Variants in CBR4 observed in about 807,000 individuals in gnomAD.
CBR4 encodes 3-oxoacyl-[acyl-carrier-protein] reductase.
In CBR4, 22 loss-of-function variants were observed where a neutral mutation model predicts 21.0. The observed-to-expected ratio is 1.05, with a 90% CI of 0.75 to 1.50. CBR4 has a LOEUF of 1.50. Ranked by LOEUF, CBR4 falls within the 40% of genes most tolerant of loss-of-function variation. CBR4 has a pLI of 0.00. For synonymous variants in CBR4, 100 were observed against 104.4 expected (o/e 0.96, Z 0.26); for missense variants, 302 against 286.3 (o/e 1.05, Z -0.40).
At chr4:169,002,721 T>G (rs2126856729) in intron 3 of CBR4, among the ~76,000 whole-genome samples, 1 of 151,240 alleles carries the variant, frequency 6.6e-6, no homozygotes, top group Admixed American at 6.6e-5. Context: ...TCTGCTTTAT[T>G]GTGCTTTGCA....
intron 2 of CBR4, among the ~76,000 whole-genome samples, chr4:168,900,846 C>T (rs762497039): frequency 2.6e-5 from 4 of 152,070 alleles, no homozygotes; most frequent in Non-Finnish European, 5.9e-5. Flanking sequence ...AGTTTATGAA[C>T]GAAATTCAAT....
chr4:168,975,078 G>A (rs959155457), intron 2 of CBR4, among the ~76,000 whole-genome samples: 3 of 152,186 alleles, frequency 2.0e-5, no homozygotes, highest in African/African-American at 7.2e-5. Flanking sequence ...TGCTGTTCAG[G>A]TTCTGTCCCA....
intron 2 of CBR4, among the ~76,000 whole-genome samples, chr4:168,968,841 T>C (rs1158380064): frequency 6.6e-6 from 1 of 152,256 alleles, no homozygotes; most frequent in African/African-American, 2.4e-5. Context: ...CAGTGGTTTC[T>C]ATTTGTCTTT....
At chr4:168,948,756 T>G (rs1578921666) in intron 2 of CBR4, among the ~76,000 whole-genome samples, 1 of 152,374 alleles carries the variant, frequency 6.6e-6, no homozygotes, top group East Asian at 1.9e-4. Flanking sequence ...CATGCTGTTT[T>G]GGTGACTATG....
chr4:168,939,249 C>A (rs901727822), intron 2 of CBR4, among the ~76,000 whole-genome samples: 1 of 152,152 alleles, frequency 6.6e-6, no homozygotes, highest in Admixed American at 6.5e-5. Flanking sequence ...ATTCAACACC[C>A]CTTCATGCAA....
chr4:169,010,175 CAAAA>C lies in CBR4; in HGVS notation c.-90_-87del, dbSNP rs67305871. 267 of 663,588 alleles carry C rather than the reference CAAAA, an allele frequency of 4.0e-4. No homozygotes were observed. The highest frequency in any genetic ancestry group is 9.4e-4 in the South Asian group (19 of 20,254). 41.1% of individuals were successfully genotyped at this position (663,588 alleles called of 1,614,324 possible). On this transcript the variant is annotated 5_prime_UTR_variant, in exon 1 of 5. Coordinates refer to ENST00000306193, the MANE Select transcript of CBR4 (RefSeq NM_032783.5). Reference sequence around the variant, plus strand: ...TCAGGCTTTTAAACAACCGCGGTTCCAAAAAAAAAAAAAAGAAAAAAAAAGGCAA... The same window carrying C: ...TCAGGCTTTTAAACAACCGCGGTTCCAAAAAAAAAAGAAAAAAAAAGGCAA...
intron 1 of CBR4, chr4:169,009,188 C>T (rs1164484760): frequency 2.5e-6 from 1 of 392,860 alleles, no homozygotes; most frequent in African/African-American, 2.1e-5. Context: ...GGTGATTAAA[C>T]AAATAGCATC....
chr4:168,941,762 A>G (rs1763270179), intron 2 of CBR4, among the ~76,000 whole-genome samples: 1 of 152,144 alleles, frequency 6.6e-6, no homozygotes, highest in Non-Finnish European at 1.5e-5. Context: ...GCCATTCTAA[A>G]TGGCATAAGA....
Position 168,915,934 on chromosome 4 carries a change from A to G in CBR4, n.170-21169T>C. ...CAAGGGACAGTGGAGACGAAAATGA[A>G]CCAATTCAGGAGCGATTCTTCAGAC... is the stretch of plus-strand genomic sequence containing the variant. On this transcript the variant is annotated intron_variant and non_coding_transcript_variant, in intron 2 of 3. Coordinates refer to the CBR4 transcript ENST00000509108. The G allele has an allele frequency of 1.2e-6, 2 of 1,613,498 alleles. 1 individual carries two copies. Among genetic ancestry groups the G allele is most frequent in the East Asian group, 4.5e-5 (2 of 44,868 alleles).
At position 168,954,991 on chromosome 4, in the gene CBR4, T is replaced by A. The variant is rs185730397; in HGVS notation, n.169+47080A>T. Among the ~76,000 whole-genome samples the A allele has an allele frequency of 2.8e-3, 434 of 152,326 alleles. 2 individuals are homozygous for A. Among genetic ancestry groups the A allele is most frequent in the Non-Finnish European group, 4.5e-3 (307 of 68,030 alleles). On this transcript the variant is annotated intron_variant and non_coding_transcript_variant, in intron 2 of 3. Transcript: ENST00000509108. ...AATGAATTAGTGTTGAGAACACAGATAACTAATTAAATGAACAAGAAATAG... is the reference window on the plus strand; with the variant it reads ...AATGAATTAGTGTTGAGAACACAGAAAACTAATTAAATGAACAAGAAATAG...
chr4:169,006,881 A>T lies in CBR4; in HGVS notation c.274T>A (p.Leu92Ile). ...ATATCTTCAGTTTTTGTTCTTACTAAAAGACCATCCCTACAAAAAGAAACA... is the reference window on the plus strand; with the variant it reads ...ATATCTTCAGTTTTTGTTCTTACTATAAGACCATCCCTACAAAAAGAAACA... ...NAAGINRDGL[L>I]VRTKTEDMVS... Residue 92 changes from leucine to isoleucine, a missense_variant, in exon 3 of 5, where the codon TTA (leucine) becomes ATA (isoleucine). By Grantham distance (5) the Leu-to-Ile change is conservative. Coordinates refer to ENST00000306193, the MANE Select transcript of CBR4 (RefSeq NM_032783.5). 6.2e-7 allele frequency: 1 copy of T among 1,612,346 alleles called. No individual in the cohort carries two copies. The highest frequency in any genetic ancestry group is 8.5e-7 in the Non-Finnish European group (1 of 1,178,426).
chr4:168,957,650 T>C (rs1035323821), intron 2 of CBR4, among the ~76,000 whole-genome samples: 4 of 152,192 alleles, frequency 2.6e-5, no homozygotes, highest in African/African-American at 9.7e-5. Context: ...CCCAGACAAC[T>C]GTTGTTCTGC....
At position 169,002,162 on chromosome 4, in the gene CBR4, G is replaced by T; in HGVS notation, c.444C>A (p.Tyr148Ter). The T allele has an allele frequency of 6.6e-7, 1 of 1,505,178 alleles. No homozygotes were observed. The highest frequency in any genetic ancestry group is 1.2e-5 in the South Asian group (1 of 84,814). The allele number at this position is 1,505,178 out of a possible 1,614,324, so 93.2% of individuals were successfully genotyped here. ...CAACTAATCCTCCTTTACTGGCACT[G>T]TAAACGGACTGGCCAGAGTTGCCTT... is the stretch of plus-strand genomic sequence containing the variant. ...GLKGNSGQSV[Y>*]SASKGGLVGF... The change falls in exon 4 of 5, where the codon TAC (tyrosine) becomes TAA (stop). Residue 148 changes from tyrosine to a stop codon, truncating the protein, a stop_gained. Transcript: ENST00000306193. LOFTEE classifies it high-confidence loss of function.
chr4:168,894,783 C>T (rs1754763045), intron 2 of CBR4: 1 of 1,532,930 alleles, frequency 6.5e-7, no homozygotes, highest in Admixed American at 2.0e-5. Flanking sequence ...AAGTAGAGGG[C>T]AAGTCACAGA....
rs748792699 is a variant in CBR4 at position 169,006,759 on chromosome 4, A to G, written c.396T>C (p.Asn132=). 2.5e-6 allele frequency: 4 copies of G among 1,613,418 alleles called. No individual in the cohort carries two copies. Among genetic ancestry groups the G allele is most frequent in the Admixed American group, 1.7e-5 (1 of 60,010 alleles). ...TTCACAAAGGTGAAGACTCACCTAC[A>G]TTAACAATAGACCCTCCCTGTTGTT... ...MIQQQGGSIV[N]VGSIVGLKGN... The change falls in exon 3 of 5, where the codon AAT becomes AAC. Residue 132 remains asparagine (N), a synonymous_variant. Transcript: ENST00000306193.
chr4:168,986,336 T>A (rs1304072743), downstream of CBR4, among the ~76,000 whole-genome samples: 1 of 152,230 alleles, frequency 6.6e-6, no homozygotes, highest in African/African-American at 2.4e-5. Context: ...CCAACTGTAC[T>A]CTAACTTTAG....
intron 2 of CBR4, among the ~76,000 whole-genome samples, chr4:168,930,124 A>AGTT (rs1340210677): frequency 1.3e-5 from 2 of 152,188 alleles, no homozygotes; most frequent in Non-Finnish European, 2.9e-5. Flanking sequence ...AAATTATGGC[A>AGTT]GTTGTTAGAG....
At chr4:168,916,119 G>C in intron 2 of CBR4, 1 of 1,279,846 alleles carries the variant, frequency 7.8e-7, no homozygotes, top group Non-Finnish European at 1.1e-6. Flanking sequence ...ATTACATAAA[G>C]TATAAAATGA....
intron 1 of CBR4, among the ~76,000 whole-genome samples, chr4:169,008,562 C>G (rs1173364934): frequency 6.6e-6 from 1 of 152,118 alleles, no homozygotes; most frequent in African/African-American, 2.4e-5. Flanking sequence ...GTAAGCGACC[C>G]GGGGAATTAT....
Sources: gnomAD v4.1 joint callset for allele counts (sites outside exome capture counted in the v4.1 genomes callset) on GRCh38, gnomAD v4.1.1 for gene constraint, MANE v1.5 for transcripts, NCBI Gene and HGNC (gene_info 2026-07-23, HGNC 2026-07-21) for gene names.